Variants in EXOC6 observed in about 807,000 individuals in gnomAD.
The protein encoded by EXOC6 is exocyst complex component 6.
A neutral mutation model predicts 112.5 loss-of-function variants in EXOC6; 60 were observed. The observed-to-expected ratio is 0.53, with a 90% CI of 0.43 to 0.66. The LOEUF (loss-of-function observed/expected upper bound fraction) is 0.66, where lower values mean the gene tolerates loss of function less well. Among genes scored for constraint, EXOC6 ranks in the 30% least tolerant of loss-of-function variants. The pLI is 0.00. For missense variants in EXOC6, 855 were observed against 957.1 expected (o/e 0.89, Z 1.41); for synonymous variants, 295 against 308.0 (o/e 0.96, Z 0.44).
chr10:92,851,136 C>G (rs927402418), intron 1 of EXOC6, among the ~76,000 whole-genome samples: 3 of 152,098 alleles, frequency 2.0e-5, no homozygotes, highest in Non-Finnish European at 4.4e-5. Flanking sequence ...GCACCAAACA[C>G]CTCTACTAGA....
Position 92,974,065 on chromosome 10 carries a change from G to A in EXOC6, c.1786G>A (p.Ala596Thr), listed in dbSNP as rs1455389110. 6 of 1,590,120 alleles carry A rather than the reference G, an allele frequency of 3.8e-6. No homozygotes were observed. The highest frequency in any genetic ancestry group is 2.3e-5 in the East Asian group (1 of 44,070). ...TGTCCCATGTCAGGATGCTCGACATGCAGCAGAAGGAGAAATATATACCAA... is the reference window on the plus strand; with the variant it reads ...TGTCCCATGTCAGGATGCTCGACATACAGCAGAAGGAGAAATATATACCAA... ...GLSTFKDARH[A>T]AEGEIYTKLN... Residue 596 changes from alanine to threonine, a missense_variant, in exon 18 of 22, where the codon GCA becomes ACA. Physicochemically the swap from Ala to Thr is moderately conservative, Grantham distance 58 (BLOSUM62 0). Transcript: ENST00000260762.
intron 12 of EXOC6, among the ~76,000 whole-genome samples, chr10:92,939,501 T>G (rs1169058198): frequency 6.6e-6 from 1 of 151,976 alleles, no homozygotes; most frequent in Non-Finnish European, 1.5e-5. Context: ...GCATTATTAT[T>G]ATGGATAGGA....
intron 12 of EXOC6, 103 bp downstream of exon 12, chr10:92,935,988 A>G (rs1852316469): frequency 2.9e-6 from 2 of 688,348 alleles, no homozygotes; most frequent in Admixed American, 6.0e-5. Context: ...GCAGTAAATT[A>G]GTAGTAATAA....
At chr10:92,827,353 G>A (rs1341272717) in intron 1 of EXOC6, among the ~76,000 whole-genome samples, 1 of 151,160 alleles carries the variant, frequency 6.6e-6, no homozygotes, top group Non-Finnish European at 1.5e-5. Context: ...ATATTCCTGT[G>A]GTTTCAGCTA....
At position 92,866,014 on chromosome 10, in the gene EXOC6, CAG is replaced by C. The variant is rs952407668; in HGVS notation, c.101+17381_101+17382del. ...ATGGGAGGAGTTGGTCTTGCTGTCT[CAG>C]GGGTGGCAAAGGCAGAAGAAAATTG... On this transcript the variant is annotated intron_variant, in intron 1 of 21. Transcript: ENST00000260762. Among the ~76,000 whole-genome samples the C allele has an allele frequency of 4.6e-5, 7 of 151,908 alleles. No homozygotes were observed. The East Asian group carries it at 1.4e-3, about 29-fold the overall frequency.
intron 1 of EXOC6, among the ~76,000 whole-genome samples, chr10:92,871,678 A>G (rs1848455250): frequency 1.3e-5 from 2 of 151,794 alleles, no homozygotes; most frequent in African/African-American, 4.8e-5. Flanking sequence ...GTGGTGGTGC[A>G]TGCCTGTAAT....
At chr10:92,847,835 C>CTTTTTTTTT (rs3078184), upstream of EXOC6, among the ~76,000 whole-genome samples, 2 of 93,656 alleles carry the variant, frequency 2.1e-5, no homozygotes, top group Admixed American at 1.3e-4. Context: ...CGCCCTGGGC[C>CTTTTTTTTT]TTTTTTTTTT....
intron 6 of EXOC6, among the ~76,000 whole-genome samples, chr10:92,911,944 T>A (rs201776160): frequency 3.6e-5 from 2 of 55,682 alleles, no homozygotes; most frequent in Non-Finnish European, 8.0e-5. Context: ...TGTGCGTGTG[T>A]GTGTGTGTGT....
chr10:92,871,639 T>A (rs1848453170), intron 1 of EXOC6, among the ~76,000 whole-genome samples: 1 of 151,914 alleles, frequency 6.6e-6, no homozygotes, highest in Non-Finnish European at 1.5e-5. Flanking sequence ...AAACCCTGTC[T>A]CTACTAAAAA....
intron 1 of EXOC6, among the ~76,000 whole-genome samples, chr10:92,851,670 AAAC>A (rs1487033346): frequency 1.3e-5 from 2 of 151,364 alleles, no homozygotes; most frequent in African/African-American, 4.9e-5. Flanking sequence ...AAACAAAAAC[AAAC>A]AAAAAAAAAA....
At chr10:93,049,390 G>C (rs1846173739) in intron 20 of EXOC6, among the ~76,000 whole-genome samples, 1 of 152,016 alleles carries the variant, frequency 6.6e-6, no homozygotes, top group Non-Finnish European at 1.5e-5. Context: ...AGCCAAAAAA[G>C]ATAAATGTCC....
chr10:92,929,150 G>A (rs1428667881), intron 9 of EXOC6, among the ~76,000 whole-genome samples: 3 of 152,190 alleles, frequency 2.0e-5, no homozygotes, highest in Non-Finnish European at 2.9e-5. Flanking sequence ...GACTCCAAAG[G>A]ATTTAAAGCC....
chr10:92,955,250 A>G (rs1230631646), intron 16 of EXOC6, among the ~76,000 whole-genome samples: 5 of 152,196 alleles, frequency 3.3e-5, no homozygotes, highest in Non-Finnish European at 5.9e-5. Flanking sequence ...ATATCTATTT[A>G]GATTTCTGAT....
intron 18 of EXOC6, among the ~76,000 whole-genome samples, chr10:92,975,182 C>T (rs1564877748): frequency 6.6e-6 from 1 of 151,406 alleles, no homozygotes; most frequent in Non-Finnish European, 1.5e-5. Context: ...CCTGGCCGCC[C>T]ATCGTCTGAG....
intron 1 of EXOC6, among the ~76,000 whole-genome samples, chr10:92,884,089 G>A (rs1235908073): frequency 6.6e-6 from 1 of 152,108 alleles, no homozygotes; most frequent in Non-Finnish European, 1.5e-5. Flanking sequence ...GGTAGAAACA[G>A]AGTTTCACCA....
intron 5 of EXOC6, among the ~76,000 whole-genome samples, chr10:92,903,948 A>G (rs751097816): frequency 5.9e-5 from 9 of 151,932 alleles, no homozygotes; most frequent in Non-Finnish European, 8.8e-5. Flanking sequence ...TGTGCTCCCT[A>G]TCTTTCCCCA....
intron 16 of EXOC6, 74 bp downstream of exon 16, chr10:92,954,815 AT>A (rs1853602286): frequency 1.5e-6 from 1 of 684,598 alleles, no homozygotes; most frequent in South Asian, 1.9e-5. Flanking sequence ...GCTGAACGTC[AT>A]TCTGTAAAAC....
intron 5 of EXOC6, among the ~76,000 whole-genome samples, chr10:92,904,139 T>G (rs1243469098): frequency 6.6e-6 from 1 of 152,130 alleles, no homozygotes; most frequent in Non-Finnish European, 1.5e-5. Context: ...ACTTGATAAC[T>G]TATTTCTTTT....
intron 12 of EXOC6, among the ~76,000 whole-genome samples, chr10:92,940,498 G>C (rs1852595704): frequency 6.6e-6 from 1 of 152,076 alleles, no homozygotes; most frequent in Non-Finnish European, 1.5e-5. Flanking sequence ...TAAAAAGAGA[G>C]AGAAGAAATG....
Sources: gnomAD v4.1 joint callset for allele counts (sites outside exome capture counted in the v4.1 genomes callset) on GRCh38, gnomAD v4.1.1 for gene constraint, MANE v1.5 for transcripts, NCBI Gene and HGNC (gene_info 2026-07-23, HGNC 2026-07-21) for gene names.